Variants in ITGB3 observed in about 807,000 individuals in gnomAD.
ITGB3 encodes the protein integrin subunit beta 3, also known as integrin beta-3.
Under a neutral mutation model 85.8 loss-of-function variants are expected in ITGB3, and 48 were observed. The observed-to-expected ratio is 0.56, with a 90% CI of 0.44 to 0.71. The LOEUF (loss-of-function observed/expected upper bound fraction) is 0.71. ITGB3 is among the 30% of genes least tolerant of loss of function. The pLI, the probability that ITGB3 is intolerant of heterozygous loss-of-function variation, is 0.00. For synonymous variants in ITGB3, 363 were observed against 395.6 expected (o/e 0.92, Z 0.98); for missense variants, 861 against 1,019.1 (o/e 0.84, Z 2.11).
In ITGB3 at chr17:47,289,765, A is replaced by G; in HGVS notation, c.1024A>G (p.Asn342Asp). 1 of 1,613,528 alleles carries G rather than the reference A, an allele frequency of 6.2e-7. No homozygotes were observed. Among genetic ancestry groups the G allele is most frequent in the Non-Finnish European group, 8.5e-7 (1 of 1,179,398 alleles). The change falls in exon 7 of 15, where the codon AAT becomes GAT. Residue 342 changes from asparagine to aspartate, a missense_variant. By Grantham distance (23) the Asn-to-Asp change is conservative. Coordinates refer to ENST00000559488, the MANE Select transcript of ITGB3 (RefSeq NM_000212.3). ...CTTTGCAGTGACTGAAAATGTAGTC[A>G]ATCTCTATCAGGTGACTGTGCCTTC... ...LIFAVTENVV[N>D]LYQNYSELIP... is the part of the protein sequence containing the mutation.
chr17:47,270,316 C>T lies in ITGB3; in HGVS notation c.80-4103C>T, dbSNP rs146377538. Reference sequence around the variant, plus strand: ...ATGGCATTTATGTCCAGAATTACCCCTTGGCATGCCAATTCCCATGGAAAC... The same window carrying T: ...ATGGCATTTATGTCCAGAATTACCCTTTGGCATGCCAATTCCCATGGAAAC... On this transcript the variant is annotated intron_variant, in intron 1 of 14. Transcript: ENST00000559488. Among the ~76,000 whole-genome samples the T allele has an allele frequency of 5.9e-3, 903 of 152,304 alleles. 7 individuals carry two copies. The highest frequency in any genetic ancestry group is 0.031 in the South Asian group (147 of 4,812).
At chr17:47,308,585 C>T (rs1192753402) in intron 14 of ITGB3, among the ~76,000 whole-genome samples, 7 of 152,120 alleles carry the variant, frequency 4.6e-5, no homozygotes, top group Admixed American at 4.6e-4. Context: ...TCACTGCAAC[C>T]TTGGCCTCTC....
At chr17:47,282,097 C>A (rs1183280886) in intron 2 of ITGB3, among the ~76,000 whole-genome samples, 3 of 152,044 alleles carry the variant, frequency 2.0e-5, no homozygotes, top group African/African-American at 7.2e-5. Context: ...TACAGGTGCA[C>A]GCCACCACAC....
chr17:47,272,154 C>G (rs2065046379), intron 1 of ITGB3, among the ~76,000 whole-genome samples: 2 of 146,680 alleles, frequency 1.4e-5, no homozygotes, highest in South Asian at 4.4e-4. Context: ...CTCCTGAGTT[C>G]ATGCCATTCT....
chr17:47,296,089 G>A (rs7211018), intron 10 of ITGB3, among the ~76,000 whole-genome samples: 6,511 of 152,214 alleles, frequency 0.043, 455 homozygotes, highest in African/African-American at 0.15. Context: ...CATCCTCAGC[G>A]AGTCCCTTAA....
intron 1 of ITGB3, among the ~76,000 whole-genome samples, chr17:47,269,491 C>G (rs2065037170): frequency 6.6e-6 from 1 of 152,158 alleles, no homozygotes; most frequent in Non-Finnish European, 1.5e-5. Flanking sequence ...CAAAATGCTG[C>G]CAGTCTCTTT....
chr17:47,258,706 G>C (rs930284400), intron 1 of ITGB3, among the ~76,000 whole-genome samples: 2 of 152,116 alleles, frequency 1.3e-5, no homozygotes, highest in African/African-American at 4.8e-5. Flanking sequence ...GCCTCCCAAA[G>C]TGTTGGGATT....
At chr17:47,293,467 C>G (rs1293965387) in intron 10 of ITGB3, among the ~76,000 whole-genome samples, 1 of 152,128 alleles carries the variant, frequency 6.6e-6, no homozygotes, top group Non-Finnish European at 1.5e-5. Flanking sequence ...TTTTACTGGG[C>G]CATAATCACT....
chr17:47,285,566 A>G (rs1257968647), intron 4 of ITGB3, among the ~76,000 whole-genome samples: 1 of 152,156 alleles, frequency 6.6e-6, no homozygotes, highest in Non-Finnish European at 1.5e-5. Context: ...GCAGTGAGCC[A>G]TGATTGTGCC....
intron 2 of ITGB3, among the ~76,000 whole-genome samples, chr17:47,278,085 A>G (rs546333013): frequency 1.3e-5 from 2 of 152,252 alleles, no homozygotes; most frequent in East Asian, 3.9e-4. Flanking sequence ...AAAATGCTTC[A>G]TGTTCCTCCC....
chr17:47,283,580 C>G, intron 3 of ITGB3, 31 bp downstream of exon 3: 1 of 1,608,294 alleles, frequency 6.2e-7, no homozygotes, highest in Non-Finnish European at 8.5e-7. Flanking sequence ...GGGGAGAGAC[C>G]TGAAGCAGGT....
intron 1 of ITGB3, among the ~76,000 whole-genome samples, chr17:47,260,957 T>G (rs2065007101): frequency 6.6e-6 from 1 of 152,212 alleles, no homozygotes; most frequent in Non-Finnish European, 1.5e-5. Flanking sequence ...CATACATACT[T>G]CTGATTTATT....
At chr17:47,286,154 G>A in intron 4 of ITGB3, 106 bp from the exon 5 acceptor site, 1 of 1,279,138 alleles carries the variant, frequency 7.8e-7, no homozygotes, top group Non-Finnish European at 1.1e-6. Flanking sequence ...TATGGAACTG[G>A]CCTTGGCATA....
rs1340585699 is a variant in ITGB3 at position 47,311,875 on chromosome 17, T to C, written c.*1671T>C. On this transcript the variant is annotated 3_prime_UTR_variant, in exon 15 of 15. Coordinates refer to ENST00000559488, the MANE Select transcript of ITGB3 (RefSeq NM_000212.3). ...CTAAATAATCTTTAATTAAGGCAAG[T>C]CACTTTCTTCTTCTTAAAGCTGTTT... 3 of 152,252 alleles carry C rather than the reference T, an allele frequency of 2.0e-5. No homozygotes were observed. The highest frequency in any genetic ancestry group is 4.8e-5 in the African/African-American group (2 of 41,462). 9.4% of individuals were successfully genotyped at this position (152,252 alleles called of 1,614,324 possible). A position where few individuals can be genotyped will look rare whatever the true frequency, so the allele number is the denominator to read the frequency against.
At chr17:47,268,136 C>T (rs1263574167) in intron 1 of ITGB3, among the ~76,000 whole-genome samples, 1 of 152,130 alleles carries the variant, frequency 6.6e-6, no homozygotes, top group Non-Finnish European at 1.5e-5. Context: ...AGGTAACTGC[C>T]CCCATGATTC....
intron 10 of ITGB3, among the ~76,000 whole-genome samples, chr17:47,294,870 C>G (rs1401759905): frequency 6.6e-6 from 1 of 152,196 alleles, no homozygotes; most frequent in Admixed American, 6.5e-5. Flanking sequence ...TTCTGTGACT[C>G]GGCCATTTCC....
chr17:47,295,739 G>A (rs1367718526), intron 10 of ITGB3, among the ~76,000 whole-genome samples: 1 of 140,066 alleles, frequency 7.1e-6, no homozygotes, highest in African/African-American at 2.6e-5. Context: ...TCCAGGAGCC[G>A]TGGCCAAATG....
chr17:47,283,250 T>A, intron 2 of ITGB3, 104 bp from the exon 3 acceptor site: 2 of 1,055,736 alleles, frequency 1.9e-6, no homozygotes, highest in Non-Finnish European at 2.9e-6. Context: ...TGCTCCAATG[T>A]ACGGGGTAAA....
chr17:47,280,750 A>G (rs935913269), intron 2 of ITGB3, among the ~76,000 whole-genome samples: 1 of 152,174 alleles, frequency 6.6e-6, no homozygotes, highest in Non-Finnish European at 1.5e-5. Context: ...CTGAGGAGGC[A>G]GATGTCATCC....
Sources: allele counts gnomAD v4.1 joint callset (sites outside exome capture counted in the v4.1 genomes callset), GRCh38; gene constraint gnomAD v4.1.1; transcripts MANE v1.5; gene names NCBI Gene and HGNC (gene_info 2026-07-23, HGNC 2026-07-21).